Variants in PPFIBP1 observed in about 807,000 individuals in gnomAD.
PPFIBP1 encodes liprin-beta-1.
PPFIBP1 carries 112 observed loss-of-function variants against 137.8 expected under a neutral mutation model. That is an observed-to-expected ratio of 0.81 (90% CI 0.70 to 0.95). The LOEUF (loss-of-function observed/expected upper bound fraction) is 0.95. Ranked by LOEUF, PPFIBP1 falls within the 40% of genes least tolerant of loss-of-function variation. The pLI is 0.00. For synonymous variants in PPFIBP1, 378 were observed against 417.3 expected (o/e 0.91, Z 1.15); for missense variants, 1,083 against 1,196.6 (o/e 0.91, Z 1.40).
At chr12:27,537,151 A>C (rs1229474784) in intron 1 of PPFIBP1, among the ~76,000 whole-genome samples, 1 of 150,446 alleles carries the variant, frequency 6.6e-6, no homozygotes, top group Non-Finnish European at 1.5e-5. Context: ...TTTTTTTTTG[A>C]GACGGAGTCT....
intron 19 of PPFIBP1, among the ~76,000 whole-genome samples, chr12:27,679,246 G>A (rs936441693): frequency 2.0e-5 from 3 of 152,164 alleles, no homozygotes; most frequent in African/African-American, 7.2e-5. Context: ...AGGAAAGAAT[G>A]TGGCAATCCT....
In PPFIBP1 at chr12:27,651,610, A is replaced by G. The variant is rs552561920; in HGVS notation, c.603+1469A>G. Among the ~76,000 whole-genome samples, 5 of 152,288 alleles carry G rather than the reference A, an allele frequency of 3.3e-5. No individual in the cohort carries two copies. In the South Asian group the frequency reaches 1.0e-3, roughly 32 times the overall value. On this transcript the variant is annotated intron_variant, in intron 7 of 29. Coordinates refer to ENST00000228425, the MANE Select transcript of PPFIBP1 (RefSeq NM_003622.4). ...AACCCCATAGTCGCAGGGTAAAGTA[A>G]TAGTAAAACTCAGTCAACAGATGGG...
intron 2 of PPFIBP1, among the ~76,000 whole-genome samples, chr12:27,612,929 TCATC>T (rs1565871387): frequency 1.6e-3 from 3 of 1,874 alleles, no homozygotes; most frequent in African/African-American, 1.7e-3. Flanking sequence ...ATAATACACA[TCATC>T]ATCATCATCA....
chr12:27,616,785 A>G (rs981969547), intron 2 of PPFIBP1, among the ~76,000 whole-genome samples: 2 of 152,206 alleles, frequency 1.3e-5, no homozygotes, highest in African/African-American at 4.8e-5. Flanking sequence ...GTTCCCCAGG[A>G]TTGGCTTTGA....
At chr12:27,642,950 T>C (rs2058218423) in intron 4 of PPFIBP1, among the ~76,000 whole-genome samples, 1 of 151,866 alleles carries the variant, frequency 6.6e-6, no homozygotes, top group Admixed American at 6.6e-5. Flanking sequence ...GTAATATATA[T>C]TATACTATTA....
intron 2 of PPFIBP1, among the ~76,000 whole-genome samples, chr12:27,613,172 C>T (rs1238250256): frequency 1.3e-5 from 2 of 152,242 alleles, no homozygotes; most frequent in East Asian, 1.9e-4. Context: ...GATTGCCATG[C>T]CTGGCTTCTG....
At chr12:27,639,923 C>T (rs907594391) in intron 4 of PPFIBP1, among the ~76,000 whole-genome samples, 2 of 152,192 alleles carry the variant, frequency 1.3e-5, no homozygotes, top group African/African-American at 2.4e-5. Flanking sequence ...TACCACCCTC[C>T]GATCCCTGCT....
intron 2 of PPFIBP1, among the ~76,000 whole-genome samples, chr12:27,585,414 GTTAA>G (rs1281996856): frequency 1.3e-5 from 2 of 152,220 alleles, no homozygotes; most frequent in Admixed American, 6.5e-5. Flanking sequence ...AGGGATGAGA[GTTAA>G]TTAAAGTAGA....
rs201810502 is a variant in PPFIBP1, at chr12:27,691,778, G to A, written c.2715G>A (p.Gly905=). Reference sequence around the variant, plus strand: ...AGAAACTTGCCTTTAGCAATTTTGGGAATTTGAGAAAGAAGAAACAGGAAG... The same window carrying A: ...AGAAACTTGCCTTTAGCAATTTTGGAAATTTGAGAAAGAAGAAACAGGAAG... The part of the protein sequence containing the change: ...KPKKLAFSNF[G]NLRKKKQEDG... Residue 905 remains glycine, a synonymous_variant, in exon 28 of 30, where the codon GGG becomes GGA. Coordinates refer to ENST00000228425, the MANE Select transcript of PPFIBP1 (RefSeq NM_003622.4). 98 of 1,610,414 alleles carry A rather than the reference G, an allele frequency of 6.1e-5. No individual in the cohort carries two copies. In the East Asian group the frequency reaches 6.9e-4, roughly 11 times the overall value.
At chr12:27,582,442 G>T (rs1053242730) in intron 2 of PPFIBP1, among the ~76,000 whole-genome samples, 5 of 152,178 alleles carry the variant, frequency 3.3e-5, no homozygotes, top group East Asian at 1.9e-4. Flanking sequence ...GGGAAACCTG[G>T]GTTCTGACTC....
chr12:27,617,477 G>C (rs897266231), intron 2 of PPFIBP1, among the ~76,000 whole-genome samples: 2 of 152,140 alleles, frequency 1.3e-5, no homozygotes, highest in African/African-American at 4.8e-5. Context: ...GAAATACTTT[G>C]TGAATAAAGT....
intron 10 of PPFIBP1, 67 bp downstream of exon 10, chr12:27,658,915 C>A (rs548911988): frequency 1.4e-6 from 2 of 1,466,226 alleles, no homozygotes; most frequent in Admixed American, 2.0e-5. Flanking sequence ...CTGTTCTTTG[C>A]ATGTGTTTTA....
intron 24 of PPFIBP1, 111 bp downstream of exon 24, chr12:27,682,814 G>A (rs931605228): frequency 1.0e-5 from 16 of 1,541,904 alleles, no homozygotes; most frequent in Non-Finnish European, 1.4e-5. Context: ...AGAGTTTGAA[G>A]CTGTTGCTTG....
chr12:27,613,759 C>A (rs1193127396), intron 2 of PPFIBP1, among the ~76,000 whole-genome samples: 1 of 151,618 alleles, frequency 6.6e-6, no homozygotes, highest in African/African-American at 2.4e-5. Flanking sequence ...TCAGGCCCAG[C>A]AATAGTTCAG....
chr12:27,646,196 G>T (rs370766725), intron 5 of PPFIBP1, 48 bp downstream of exon 5: 2 of 1,473,926 alleles, frequency 1.4e-6, no homozygotes, highest in East Asian at 2.4e-5. Context: ...TACTTACAAA[G>T]CCTTTTAAAT....
chr12:27,564,351 A>T (rs893657848), intron 1 of PPFIBP1, among the ~76,000 whole-genome samples: 2 of 152,244 alleles, frequency 1.3e-5, no homozygotes, highest in African/African-American at 2.4e-5. Flanking sequence ...AAAGGGAGTC[A>T]AGTGTGTAGT....
rs760828196 is a variant in PPFIBP1 at position 27,681,571 on chromosome 12, T to C, written c.1921T>C (p.Trp641Arg). The C allele has an allele frequency of 3.1e-6, 5 of 1,614,026 alleles. No homozygotes were observed. The highest frequency in any genetic ancestry group is 1.6e-4 in the Middle Eastern group (1 of 6,084). ...TGACTTGGATATGCCATTTGCCAAG[T>C]GGACCAAGGAGCAGGTTTGCAATTG... ...NSDLDMPFAK[W>R]TKEQVCNWLM... is the part of the protein sequence containing the mutation. Residue 641 changes from tryptophan to arginine, a missense_variant, in exon 22 of 30, where the codon TGG (tryptophan) becomes CGG (arginine). Coordinates refer to ENST00000228425, the MANE Select transcript of PPFIBP1 (RefSeq NM_003622.4).
At position 27,566,247 on chromosome 12, in the gene PPFIBP1, T is replaced by C. The variant is rs553559342; in HGVS notation, c.-123-11905T>C. Among the ~76,000 whole-genome samples, 3 of 152,290 alleles carry C rather than the reference T, an allele frequency of 2.0e-5. No homozygotes were observed. In the East Asian group the frequency reaches 5.8e-4, roughly 29 times the overall value. ...ACCAAGCCCAGCAGATTAGAACTTATGAAGGTTTTTTTGCCACATGCTAGG... is the reference window on the plus strand; with the variant it reads ...ACCAAGCCCAGCAGATTAGAACTTACGAAGGTTTTTTTGCCACATGCTAGG... On this transcript the variant is annotated intron_variant, in intron 1 of 29. Coordinates refer to ENST00000228425, the MANE Select transcript of PPFIBP1 (RefSeq NM_003622.4).
In PPFIBP1 at chr12:27,654,618, C is replaced by T. The variant is rs542978411; in HGVS notation, c.604-104C>T. 8 of 1,395,728 alleles carry T rather than the reference C, an allele frequency of 5.7e-6. No homozygotes were observed. The Admixed American group carries it at 2.0e-4, about 35-fold the overall frequency. 86.5% of individuals were successfully genotyped at this position (1,395,728 alleles called of 1,614,324 possible). A position where few individuals can be genotyped will look rare whatever the true frequency, so the allele number is the denominator to read the frequency against. On this transcript the variant is annotated intron_variant, in intron 7 of 29. Coordinates refer to ENST00000228425, the MANE Select transcript of PPFIBP1 (RefSeq NM_003622.4). Reference sequence around the variant, plus strand: ...CTCATCTGATTCATACAACTTTAACCCTAGGAGCTGGTGACTTCTTAAGAT... The same window carrying T: ...CTCATCTGATTCATACAACTTTAACTCTAGGAGCTGGTGACTTCTTAAGAT...
Sources: allele counts gnomAD v4.1 joint callset (sites outside exome capture counted in the v4.1 genomes callset), GRCh38; gene constraint gnomAD v4.1.1; transcripts MANE v1.5; gene names NCBI Gene and HGNC (gene_info 2026-07-23, HGNC 2026-07-21).